The following PKNOX2 variants were observed in gnomAD, a reference collection of about 807,000 sequenced individuals.
PKNOX2 encodes the protein homeobox protein PKNOX2.
Under a neutral mutation model 53.1 loss-of-function variants are expected in PKNOX2, and 14 were observed. The observed-to-expected ratio is 0.26, with a 90% CI of 0.17 to 0.41. The LOEUF (loss-of-function observed/expected upper bound fraction) is 0.41. Ranked by LOEUF, PKNOX2 falls within the 10% of genes least tolerant of loss-of-function variation. PKNOX2 has a pLI of 1.00. For missense variants in PKNOX2, 496 were observed against 602.8 expected (o/e 0.82, Z 1.85); for synonymous variants, 257 against 242.8 (o/e 1.06, Z -0.54).
chr11:125,268,251 T>C (rs1001252306), intron 2 of PKNOX2, among the ~76,000 whole-genome samples: 1 of 152,214 alleles, frequency 6.6e-6, no homozygotes, highest in South Asian at 2.1e-4. Flanking sequence ...CTCAACCCAA[T>C]GTTCCCTTCC....
At chr11:125,399,001 C>T (rs981169104) in intron 7 of PKNOX2, among the ~76,000 whole-genome samples, 2 of 152,318 alleles carry the variant, frequency 1.3e-5, no homozygotes, top group South Asian at 2.1e-4. Context: ...GTCCCTAGAC[C>T]CCTAAGGAAC....
chr11:125,241,211 A>G (rs1329688289), intron 2 of PKNOX2, among the ~76,000 whole-genome samples: 1 of 152,152 alleles, frequency 6.6e-6, no homozygotes, highest in Non-Finnish European at 1.5e-5. Context: ...ACACTCAGAT[A>G]CACAGGCACA....
chr11:125,362,500 A>G (rs1247266457), intron 4 of PKNOX2, among the ~76,000 whole-genome samples: 2 of 152,052 alleles, frequency 1.3e-5, no homozygotes, highest in Non-Finnish European at 1.5e-5. Context: ...CAGCCTCTCG[A>G]GTAGCTGAGA....
rs370346886 is a variant in PKNOX2, at chr11:125,339,831, G to A, written c.-23+7906G>A. 4.2e-4 allele frequency among the ~76,000 whole-genome samples: 64 copies of A among 152,280 alleles called. 2 individuals carry two copies. The East Asian group carries it at 7.9e-3, about 19-fold the overall frequency. ...CATTATCAGATTCCAATTATACATC[G>A]CCTTTGAGATGCAGTCTTCAGCCAT... On this transcript the variant is annotated intron_variant, in intron 3 of 12. Transcript: ENST00000298282.
chr11:125,298,370 G>A (rs781560395), intron 2 of PKNOX2, among the ~76,000 whole-genome samples: 5 of 152,170 alleles, frequency 3.3e-5, no homozygotes, highest in Non-Finnish European at 7.4e-5. Context: ...CCCTGGAAGC[G>A]GCGCGTTTGT....
At chr11:125,333,426 A>G (rs1360640004) in intron 3 of PKNOX2, among the ~76,000 whole-genome samples, 1 of 152,094 alleles carries the variant, frequency 6.6e-6, no homozygotes, top group Non-Finnish European at 1.5e-5. Flanking sequence ...GGGTTGATGG[A>G]CTGCTAATCC....
intron 10 of PKNOX2, among the ~76,000 whole-genome samples, chr11:125,424,435 T>G (rs1319904612): frequency 6.6e-6 from 1 of 151,960 alleles, no homozygotes; most frequent in African/African-American, 2.4e-5. Context: ...ATGTGGTCGT[T>G]TTGGGGCCCC....
chr11:125,257,998 G>C (rs1008572506), intron 2 of PKNOX2, among the ~76,000 whole-genome samples: 1 of 152,156 alleles, frequency 6.6e-6, no homozygotes, highest in Non-Finnish European at 1.5e-5. Context: ...CTTGCAGAAA[G>C]AATTCAGCCC....
In PKNOX2 at chr11:125,385,842, G is replaced by A. The variant is rs372422710; in HGVS notation, c.399+120G>A. The A allele has an allele frequency of 3.3e-6, 4 of 1,223,006 alleles. No homozygotes were observed. The South Asian group carries it at 4.6e-5, about 14-fold the overall frequency. 75.8% of individuals were successfully genotyped at this position (1,223,006 alleles called of 1,614,324 possible). ...ACAAAAGGTTTTGAGTGCCCACCATGAGTCATGCACTAGATGCACCAGTCT... is the reference window on the plus strand; with the variant it reads ...ACAAAAGGTTTTGAGTGCCCACCATAAGTCATGCACTAGATGCACCAGTCT... On this transcript the variant is annotated intron_variant, in intron 6 of 12. Transcript: ENST00000298282.
At chr11:125,214,277 C>G (rs944400170) in intron 1 of PKNOX2, among the ~76,000 whole-genome samples, 1 of 152,000 alleles carries the variant, frequency 6.6e-6, no homozygotes, top group Admixed American at 6.5e-5. Flanking sequence ...ACCCTTGAAC[C>G]TGAAATTCTA....
chr11:125,363,785 A>T (rs1400878282), intron 4 of PKNOX2, among the ~76,000 whole-genome samples: 3 of 151,988 alleles, frequency 2.0e-5, no homozygotes, highest in South Asian at 2.1e-4. Context: ...AATGGAAGAA[A>T]GCTACTTGGG....
intron 6 of PKNOX2, among the ~76,000 whole-genome samples, chr11:125,386,327 A>G (rs1240148315): frequency 6.6e-6 from 1 of 152,204 alleles, no homozygotes; most frequent in African/African-American, 2.4e-5. Flanking sequence ...ATTGTGATTC[A>G]GTGAGTTTGG....
intron 10 of PKNOX2, among the ~76,000 whole-genome samples, chr11:125,417,395 G>A (rs1467903877): frequency 2.6e-5 from 4 of 152,140 alleles, no homozygotes; most frequent in East Asian, 1.9e-4. Flanking sequence ...CAGAGGAGCC[G>A]CTTCTGCATT....
intron 2 of PKNOX2, among the ~76,000 whole-genome samples, chr11:125,255,177 C>G (rs1007067787): frequency 3.3e-5 from 5 of 152,170 alleles, no homozygotes; most frequent in African/African-American, 1.2e-4. Flanking sequence ...TTAGCAGGAT[C>G]AAAAATCGGC....
chr11:125,330,090 G>C (rs532995435), intron 2 of PKNOX2, among the ~76,000 whole-genome samples: 1 of 151,864 alleles, frequency 6.6e-6, no homozygotes, highest in African/African-American at 2.4e-5. Context: ...CTGTGGGGCC[G>C]ATGGTGGGAA....
intron 1 of PKNOX2, among the ~76,000 whole-genome samples, chr11:125,197,532 AG>A (rs1937869527): frequency 6.6e-6 from 1 of 151,990 alleles, no homozygotes; most frequent in African/African-American, 2.4e-5. Context: ...CCCGGTCTTC[AG>A]TAGGAGTCCT....
Position 125,203,438 on chromosome 11 carries a change from A to G in PKNOX2, c.-200-31607A>G, listed in dbSNP as rs116178341. 5.3e-3 allele frequency among the ~76,000 whole-genome samples: 801 copies of G among 152,334 alleles called. 5 individuals carry two copies. The highest frequency in any genetic ancestry group is 0.018 in the African/African-American group (758 of 41,568). On this transcript the variant is annotated intron_variant, in intron 1 of 12. Transcript: ENST00000298282. ...TTTATTTAACTTGCCTTGTCTGGAC[A>G]TCAGGACAATTACAAGTGGCTCCGC...
At chr11:125,343,825 C>G (rs1009323180) in intron 3 of PKNOX2, among the ~76,000 whole-genome samples, 1 of 152,032 alleles carries the variant, frequency 6.6e-6, no homozygotes, top group Non-Finnish European at 1.5e-5. Context: ...TCTGACTCTC[C>G]TGCTCCGTGT....
chr11:125,228,549 G>A (rs1315207333), intron 1 of PKNOX2, among the ~76,000 whole-genome samples: 1 of 152,194 alleles, frequency 6.6e-6, no homozygotes, highest in Non-Finnish European at 1.5e-5. Flanking sequence ...GGGAGGGAGG[G>A]AAGGTGTTGC....
Sources: allele counts gnomAD v4.1 joint callset (sites outside exome capture counted in the v4.1 genomes callset), GRCh38; gene constraint gnomAD v4.1.1; transcripts MANE v1.5; gene names NCBI Gene and HGNC (gene_info 2026-07-23, HGNC 2026-07-21).